Variants in CD300E observed in about 807,000 individuals in gnomAD.
The protein encoded by CD300E is CMRF35-like molecule 2.
In CD300E, 14 loss-of-function variants were observed where a neutral mutation model predicts 20.9. That is an observed-to-expected ratio of 0.67 (90% CI 0.44 to 1.05). The LOEUF is 1.05. CD300E is among the 50% of genes least tolerant of loss of function. The pLI, the probability that CD300E is intolerant of heterozygous loss-of-function variation, is 0.00. For missense variants in CD300E, 237 were observed against 253.9 expected (o/e 0.93, Z 0.45); for synonymous variants, 102 against 103.7 (o/e 0.98, Z 0.10).
rs1406153536 is a variant in CD300E, at chr17:74,612,626, T to G, written c.*27A>C. On this transcript the variant is annotated 3_prime_UTR_variant, in exon 4 of 4. Coordinates refer to ENST00000392619, the MANE Select transcript of CD300E (RefSeq NM_181449.3). ...CACGGGGCACTCCTGGGGATGGGGC[T>G]CTGCAGGGCTTCGGGTCAGCCTGGC... 1 of 1,611,308 alleles carries G rather than the reference T, an allele frequency of 6.2e-7. No homozygotes were observed. Among genetic ancestry groups the G allele is most frequent in the South Asian group, 1.1e-5 (1 of 91,042 alleles).
intron 3 of CD300E, 106 bp from the exon 4 acceptor site, chr17:74,612,879 G>A (rs899873195): frequency 1.4e-6 from 2 of 1,477,490 alleles, no homozygotes; most frequent in African/African-American, 1.4e-5. Context: ...AATAACCCAG[G>A]AGCAGCCAGG....
At chr17:74,623,488 G>A (rs115257540) in intron 1 of CD300E, 94 bp downstream of exon 1, 5 of 1,196,700 alleles carry the variant, frequency 4.2e-6, no homozygotes, top group Non-Finnish European at 6.0e-6. Context: ...CTTTTCTGTG[G>A]ACACTTCACC....
In CD300E at chr17:74,620,939, A is replaced by G. The variant is rs189531081; in HGVS notation, c.40+2643T>C. Among the ~76,000 whole-genome samples, 6 of 152,226 alleles carry G rather than the reference A, an allele frequency of 3.9e-5. No homozygotes were observed. The East Asian group carries it at 1.2e-3, about 29-fold the overall frequency. On this transcript the variant is annotated intron_variant, in intron 1 of 3. Transcript: ENST00000392619. ...ACGCCTGTAACCCCAGCTACTCGGG[A>G]GGCCGAGGCACGAGAATTGCTTGAA...
At chr17:74,615,124 G>A (rs918293624) in intron 2 of CD300E, among the ~76,000 whole-genome samples, 1 of 152,240 alleles carries the variant, frequency 6.6e-6, no homozygotes, top group African/African-American at 2.4e-5. Flanking sequence ...AGCCCCAGCA[G>A]GTGCAATGGG....
intron 1 of CD300E, among the ~76,000 whole-genome samples, chr17:74,618,309 C>A (rs1555653478): frequency 6.6e-6 from 1 of 152,148 alleles, no homozygotes; most frequent in Non-Finnish European, 1.5e-5. Context: ...TGACAAGAGG[C>A]TTTGTTTGAA....
intron 1 of CD300E, among the ~76,000 whole-genome samples, chr17:74,617,804 C>T (rs1392797774): frequency 2.0e-5 from 3 of 152,206 alleles, no homozygotes; most frequent in Non-Finnish European, 2.9e-5. Flanking sequence ...GATCACTTCC[C>T]TTTGGAGTGA....
In CD300E at chr17:74,612,924, C is replaced by G. The variant is rs564502900; in HGVS notation, c.498-151G>C. Reference sequence around the variant, plus strand: ...TATGCCAGGGCAGCCCCTTCTGTGGCCCCCATCCCTCCTTCTCCCTCCATC... The same window carrying G: ...TATGCCAGGGCAGCCCCTTCTGTGGGCCCCATCCCTCCTTCTCCCTCCATC... On this transcript the variant is annotated intron_variant, in intron 3 of 3. Coordinates refer to ENST00000392619, the MANE Select transcript of CD300E (RefSeq NM_181449.3). 121 of 1,060,068 alleles carry G rather than the reference C, an allele frequency of 1.1e-4. No individual in the cohort carries two copies. In the African/African-American group the frequency reaches 1.8e-3, roughly 16 times the overall value. 65.7% of individuals were successfully genotyped at this position (1,060,068 alleles called of 1,614,324 possible). A position where few individuals can be genotyped will look rare whatever the true frequency, so the allele number is the denominator to read the frequency against.
At position 74,617,135 on chromosome 17, in the gene CD300E, C is replaced by G; in HGVS notation, c.371G>C (p.Arg124Thr). ...SWSRDPSDLV[R>T]VYVSPAITTP... ...GCTCTTACCTGGGGAAACATACACC[C>G]TAACCAGGTCCGAGGGATCGCGTGA... The change falls in exon 2 of 4, where the codon AGG becomes ACG. Residue 124 changes from arginine to threonine, a missense_variant. Arg to Thr is a moderately conservative substitution (Grantham distance 71, BLOSUM62 -1). Coordinates refer to ENST00000392619, the MANE Select transcript of CD300E (RefSeq NM_181449.3). 6.2e-7 allele frequency: 1 copy of G among 1,614,230 alleles called. No individual in the cohort carries two copies. Among genetic ancestry groups the G allele is most frequent in the Non-Finnish European group, 8.5e-7 (1 of 1,180,030 alleles).
intron 2 of CD300E, among the ~76,000 whole-genome samples, chr17:74,616,098 GA>G (rs1297640628): frequency 6.6e-6 from 1 of 152,008 alleles, no homozygotes; most frequent in African/African-American, 2.4e-5. Flanking sequence ...AAAGAAAAAA[GA>G]AAATGTGATC....
At position 74,612,161 on chromosome 17, in the gene CD300E, G is replaced by C. The variant is rs1339562404; in HGVS notation, c.*492C>G. On this transcript the variant is annotated 3_prime_UTR_variant, in exon 4 of 4. Coordinates refer to ENST00000392619, the MANE Select transcript of CD300E (RefSeq NM_181449.3). Reference sequence around the variant, plus strand: ...TGTGCCAAGAAGAATGAAGGGCCAGGCTCCTCCAGAAAATTTTTTCCCTCC... The same window carrying C: ...TGTGCCAAGAAGAATGAAGGGCCAGCCTCCTCCAGAAAATTTTTTCCCTCC... 2 of 152,582 alleles carry C rather than the reference G, an allele frequency of 1.3e-5. No individual in the cohort carries two copies. The highest frequency in any genetic ancestry group is 1.9e-4 in the East Asian group (1 of 5,152). The allele number at this position is 152,582 out of a possible 1,614,324, so 9.5% of individuals were successfully genotyped here. A position where few individuals can be genotyped will look rare whatever the true frequency, so the allele number is the denominator to read the frequency against.
At chr17:74,615,365 G>C (rs949514123) in intron 2 of CD300E, among the ~76,000 whole-genome samples, 1 of 152,192 alleles carries the variant, frequency 6.6e-6, no homozygotes, top group African/African-American at 2.4e-5. Context: ...GCCAGCCCCA[G>C]GAGGATCACC....
chr17:74,623,634 T>C lies in CD300E; in HGVS notation c.-13A>G, dbSNP rs745404618. On this transcript the variant is annotated 5_prime_UTR_variant, in exon 1 of 4. Coordinates refer to ENST00000392619, the MANE Select transcript of CD300E (RefSeq NM_181449.3). ...GGAGCAGCCACATGTTCCTGTCTCCTTGGCTTCCGTCCTCAGCAAATCTAG... is the reference window on the plus strand; with the variant it reads ...GGAGCAGCCACATGTTCCTGTCTCCCTGGCTTCCGTCCTCAGCAAATCTAG... The C allele has an allele frequency of 2.3e-5, 37 of 1,614,070 alleles. 1 individual carries two copies. The Middle Eastern group carries it at 1.3e-3, about 57-fold the overall frequency.
rs1212767767 is a variant in CD300E at position 74,611,341 on chromosome 17, C to T, written c.*1312G>A. ...AGAGGGTCACTCCATGTGCTCTGGACACTGGCATCACTAGCTCAGGATGAG... is the reference window on the plus strand; with the variant it reads ...AGAGGGTCACTCCATGTGCTCTGGATACTGGCATCACTAGCTCAGGATGAG... On this transcript the variant is annotated 3_prime_UTR_variant, in exon 4 of 4. Coordinates refer to ENST00000392619, the MANE Select transcript of CD300E (RefSeq NM_181449.3). 1 of 152,252 alleles carries T rather than the reference C, an allele frequency of 6.6e-6. No individual in the cohort carries two copies. The highest frequency in any genetic ancestry group is 1.5e-5 in the Non-Finnish European group (1 of 68,070). 9.4% of individuals were successfully genotyped at this position (152,252 alleles called of 1,614,324 possible). A position where few individuals can be genotyped will look rare whatever the true frequency, so the allele number is the denominator to read the frequency against.
chr17:74,620,628 C>T (rs1005677624), intron 1 of CD300E, among the ~76,000 whole-genome samples: 4 of 147,082 alleles, frequency 2.7e-5, no homozygotes, highest in African/African-American at 1.0e-4. Flanking sequence ...GGCAACAAAG[C>T]GAGACTCCGG....
Position 74,612,243 on chromosome 17 carries a change from C to G in CD300E, c.*410G>C, listed in dbSNP as rs867839302. On this transcript the variant is annotated 3_prime_UTR_variant, in exon 4 of 4. Transcript: ENST00000392619. ...TCTCTCGCTCTCTCTCTCTCTCTCT[C>G]TCTGTCTCTCTCTCTCTCTCTCTCT... 30 of 147,086 alleles carry G rather than the reference C, an allele frequency of 2.0e-4. No individual in the cohort carries two copies. The highest frequency in any genetic ancestry group is 5.6e-4 in the African/African-American group (22 of 39,204). The allele number at this position is 147,086 out of a possible 1,614,324, so 9.1% of individuals were successfully genotyped here.
chr17:74,617,616 A>G (rs2030933016), intron 1 of CD300E, 151 bp from the exon 2 acceptor site: 1 of 675,620 alleles, frequency 1.5e-6, no homozygotes, highest in Non-Finnish European at 2.5e-6. Context: ...GACCTAAGCC[A>G]AAGAGTCCCT....
rs758148094 is a variant in CD300E, at chr17:74,617,122, G to A, written c.384C>T (p.Ser128=). 1.9e-6 allele frequency: 3 copies of A among 1,613,250 alleles called. No homozygotes were observed. Among genetic ancestry groups the A allele is most frequent in the Non-Finnish European group, 2.5e-6 (3 of 1,179,228 alleles). ...CAAAGTGAGGGGAGCTCTTACCTGG[G>A]GAAACATACACCCTAACCAGGTCCG... ...DPSDLVRVYV[S]PAITTPRRTT... is the part of the protein sequence containing the mutation. Residue 128 remains serine (S), a synonymous_variant, in exon 2 of 4, where the codon TCC becomes TCT. Coordinates refer to ENST00000392619, the MANE Select transcript of CD300E (RefSeq NM_181449.3).
chr17:74,616,033 G>A (rs906634482), intron 2 of CD300E, among the ~76,000 whole-genome samples: 10 of 152,168 alleles, frequency 6.6e-5, no homozygotes, highest in Non-Finnish European at 1.3e-4. Flanking sequence ...GCAGTAAGCC[G>A]AGATCGCTCC....
At position 74,617,132 on chromosome 17, in the gene CD300E, A is replaced by G; in HGVS notation, c.374T>C (p.Val125Ala). The change falls in exon 2 of 4, where the codon GTG (valine) becomes GCG (alanine). Residue 125 changes from valine to alanine, a missense_variant. Transcript: ENST00000392619. Reference sequence around the variant, plus strand: ...GGAGCTCTTACCTGGGGAAACATACACCCTAACCAGGTCCGAGGGATCGCG... The same window carrying G: ...GGAGCTCTTACCTGGGGAAACATACGCCCTAACCAGGTCCGAGGGATCGCG... The part of the protein sequence containing the change: ...WSRDPSDLVR[V>A]YVSPAITTPR... 1.2e-6 allele frequency: 2 copies of G among 1,613,806 alleles called. No homozygotes were observed. Among genetic ancestry groups the G allele is most frequent in the Non-Finnish European group, 1.7e-6 (2 of 1,179,804 alleles).
Sources: allele counts gnomAD v4.1 joint callset (sites outside exome capture counted in the v4.1 genomes callset), GRCh38; gene constraint gnomAD v4.1.1; transcripts MANE v1.5; gene names NCBI Gene and HGNC (gene_info 2026-07-23, HGNC 2026-07-21).